The following PIP5K1B variants were observed in gnomAD, a reference collection of about 807,000 sequenced individuals.
PIP5K1B encodes the protein phosphatidylinositol-4-phosphate 5-kinase type 1 beta.
Under a neutral mutation model 67.0 loss-of-function variants are expected in PIP5K1B, and 42 were observed. The observed-to-expected ratio is 0.63, with a 90% CI of 0.49 to 0.81. The LOEUF (loss-of-function observed/expected upper bound fraction) is 0.81. Among genes scored for constraint, PIP5K1B ranks in the 30% least tolerant of loss-of-function variants. The probability of loss-of-function intolerance (pLI) is 0.00; values close to 1 mark genes in which losing one functional copy is unlikely to be tolerated. For missense variants in PIP5K1B, 459 were observed against 646.3 expected, an observed-to-expected ratio of 0.71 and a Z score of 3.14; for synonymous variants, 214 against 231.4, an observed-to-expected ratio of 0.92 and a Z score of 0.68.
chr9:68,975,715 T>A lies in PIP5K1B; in HGVS notation c.1503-15425T>A, dbSNP rs181030719. 4.6e-5 allele frequency among the ~76,000 whole-genome samples: 7 copies of A among 152,348 alleles called. No individual in the cohort carries two copies. The East Asian group carries it at 1.4e-3, about 29-fold the overall frequency. Reference sequence around the variant, plus strand: ...CCAGGTATCAGCAGGGTTTTCCCTCTGAGGTTGTGAAGAAGAATCTGTTCC... The same window carrying A: ...CCAGGTATCAGCAGGGTTTTCCCTCAGAGGTTGTGAAGAAGAATCTGTTCC... On this transcript the variant is annotated intron_variant, in intron 14 of 15. Transcript: ENST00000265382.
chr9:68,738,311 T>C (rs1828841457), intron 1 of PIP5K1B, among the ~76,000 whole-genome samples: 1 of 152,264 alleles, frequency 6.6e-6, no homozygotes, highest in South Asian at 2.1e-4. Context: ...ATTTTCTTTA[T>C]TTTTGGCCGT....
chr9:68,922,871 T>C (rs1366493528), intron 11 of PIP5K1B, among the ~76,000 whole-genome samples: 1 of 152,238 alleles, frequency 6.6e-6, no homozygotes, highest in Non-Finnish European at 1.5e-5. Flanking sequence ...AATGTCACTC[T>C]TACATTAGGA....
At chr9:68,949,384 A>G (rs947979495) in intron 14 of PIP5K1B, among the ~76,000 whole-genome samples, 15 of 152,166 alleles carry the variant, frequency 9.9e-5, no homozygotes, top group African/African-American at 2.7e-4. Context: ...TCTTACCCAC[A>G]CTAGGATATA....
chr9:68,921,561 C>T (rs577229802), intron 11 of PIP5K1B, among the ~76,000 whole-genome samples: 2 of 152,066 alleles, frequency 1.3e-5, no homozygotes, highest in Non-Finnish European at 2.9e-5. Flanking sequence ...CAACCAGGTG[C>T]ATCTAAGGGC....
chr9:68,706,336 G>A (rs1365932474), intron 1 of PIP5K1B: 1 of 152,246 alleles, frequency 6.6e-6, no homozygotes, highest in Non-Finnish European at 1.5e-5. Flanking sequence ...TGGGAGTGTA[G>A]GGGCACTGGG....
intron 14 of PIP5K1B, among the ~76,000 whole-genome samples, chr9:68,951,249 C>A (rs1446092599): frequency 2.0e-5 from 3 of 152,070 alleles, no homozygotes; most frequent in African/African-American, 7.2e-5. Flanking sequence ...TAAAAATGAC[C>A]AGATTTGTTT....
At chr9:68,905,220 C>T (rs879476122) in intron 8 of PIP5K1B, among the ~76,000 whole-genome samples, 1 of 152,070 alleles carries the variant, frequency 6.6e-6, no homozygotes, top group Non-Finnish European at 1.5e-5. Context: ...CCCCTCTTCT[C>T]CTCCCTGTTG....
chr9:68,897,190 A>G (rs1335347916), intron 8 of PIP5K1B, among the ~76,000 whole-genome samples: 2 of 152,214 alleles, frequency 1.3e-5, no homozygotes, highest in African/African-American at 4.8e-5. Flanking sequence ...AATTCCTGTG[A>G]GACAGTATGG....
intron 14 of PIP5K1B, among the ~76,000 whole-genome samples, chr9:68,954,574 T>C (rs1196964983): frequency 6.6e-6 from 1 of 152,216 alleles, no homozygotes; most frequent in Admixed American, 6.5e-5. Flanking sequence ...TGTGGACAAG[T>C]TGAAAAGGCT....
At chr9:68,707,774 A>T (rs1052412523) in intron 1 of PIP5K1B, 2 of 152,210 alleles carry the variant, frequency 1.3e-5, no homozygotes, top group African/African-American at 4.8e-5. Context: ...GGAAACTGCA[A>T]TACACAAAGG....
At chr9:68,926,596 G>T (rs921729725) in intron 12 of PIP5K1B, among the ~76,000 whole-genome samples, 1 of 151,808 alleles carries the variant, frequency 6.6e-6, no homozygotes, top group Non-Finnish European at 1.5e-5. Flanking sequence ...TTTTGAGATG[G>T]TGCCTCACTC....
At chr9:68,985,016 C>T (rs1830038556) in intron 14 of PIP5K1B, among the ~76,000 whole-genome samples, 1 of 152,172 alleles carries the variant, frequency 6.6e-6, no homozygotes. Context: ...TGGGCAGACA[C>T]ATGGGGAGGG....
At chr9:68,785,369 A>G (rs901866263) in intron 2 of PIP5K1B, among the ~76,000 whole-genome samples, 1 of 152,236 alleles carries the variant, frequency 6.6e-6, no homozygotes, top group African/African-American at 2.4e-5. Context: ...CACATTTTTC[A>G]TGGCTGTTAG....
chr9:68,730,605 C>A, intron 1 of PIP5K1B, among the ~76,000 whole-genome samples: 1 of 152,174 alleles, frequency 6.6e-6, no homozygotes, highest in East Asian at 1.9e-4. Flanking sequence ...TAACAGATAT[C>A]ACACTTTGAG....
chr9:68,708,654 C>A (rs1827242713), intron 1 of PIP5K1B, among the ~76,000 whole-genome samples: 1 of 150,462 alleles, frequency 6.6e-6, no homozygotes, highest in Non-Finnish European at 1.5e-5. Context: ...ACCAACCATT[C>A]TGTTTTTAAA....
chr9:68,848,077 T>G (rs533675588), intron 4 of PIP5K1B, among the ~76,000 whole-genome samples: 1 of 152,324 alleles, frequency 6.6e-6, no homozygotes, highest in East Asian at 1.9e-4. Context: ...ATAAGCTGAT[T>G]TGTCTTTCTG....
intron 2 of PIP5K1B, among the ~76,000 whole-genome samples, chr9:68,790,094 C>CT (rs1324669463): frequency 1.1e-4 from 17 of 152,062 alleles, no homozygotes; most frequent in Admixed American, 2.6e-4. Flanking sequence ...CTAAAAAACT[C>CT]TAAGTTAAAA....
At chr9:68,999,134 T>C (rs1008781538) in intron 15 of PIP5K1B, among the ~76,000 whole-genome samples, 13 of 152,230 alleles carry the variant, frequency 8.5e-5, no homozygotes, top group Admixed American at 7.8e-4. Context: ...CATATGGCCT[T>C]CTTCCCTGTG....
chr9:68,844,279 C>T (rs928991083), intron 4 of PIP5K1B, among the ~76,000 whole-genome samples: 1 of 152,238 alleles, frequency 6.6e-6, no homozygotes, highest in African/African-American at 2.4e-5. Context: ...GATAGGTTAG[C>T]GTTGTTGGAA....
Sources: allele counts gnomAD v4.1 joint callset (sites outside exome capture counted in the v4.1 genomes callset), GRCh38; gene constraint gnomAD v4.1.1; transcripts MANE v1.5; gene names NCBI Gene and HGNC (gene_info 2026-07-23, HGNC 2026-07-21).